Variants in MSI2 observed in about 807,000 individuals in gnomAD.
MSI2 encodes the protein RNA-binding protein Musashi homolog 2.
Under a neutral mutation model 45.6 loss-of-function variants are expected in MSI2, and 17 were observed. That is an observed-to-expected ratio of 0.37 (90% CI 0.26 to 0.56). The LOEUF (loss-of-function observed/expected upper bound fraction) is 0.56. Ranked by LOEUF, MSI2 falls within the 20% of genes least tolerant of loss-of-function variation. MSI2 has a pLI of 0.77. For missense variants in MSI2, 293 were observed against 444.2 expected, an observed-to-expected ratio of 0.66 and a Z score of 3.06; for synonymous variants, 156 against 158.2, an observed-to-expected ratio of 0.99 and a Z score of 0.11.
At chr17:57,322,164 A>G (rs1913404586) in intron 5 of MSI2, among the ~76,000 whole-genome samples, 1 of 152,204 alleles carries the variant, frequency 6.6e-6, no homozygotes, top group Admixed American at 6.5e-5. Context: ...CTGTCCCCAC[A>G]GTACTGAGAC....
chr17:57,343,875 G>A (rs1255865276), intron 5 of MSI2, among the ~76,000 whole-genome samples: 1 of 152,098 alleles, frequency 6.6e-6, no homozygotes, highest in Non-Finnish European at 1.5e-5. Flanking sequence ...ATTTCCTCAT[G>A]ACTAGATTCA....
intron 6 of MSI2, among the ~76,000 whole-genome samples, chr17:57,438,306 G>C (rs962155660): frequency 6.6e-6 from 1 of 152,262 alleles, no homozygotes; most frequent in South Asian, 2.1e-4. Context: ...CTCCCCCCAG[G>C]GGGAGTTCAG....
In MSI2 at chr17:57,432,544, T is replaced by C. The variant is rs2084616133; in HGVS notation, c.405+31073T>C. ...GGCCCTTTGGCTTCTTCCTTAGAGATGTTTATGCTCATGGCCTCGGCCACT... is the reference window on the plus strand; with the variant it reads ...GGCCCTTTGGCTTCTTCCTTAGAGACGTTTATGCTCATGGCCTCGGCCACT... On this transcript the variant is annotated intron_variant, in intron 6 of 13. Transcript: ENST00000284073. 3 of 152,484 alleles carry C rather than the reference T, an allele frequency of 2.0e-5. No individual in the cohort carries two copies. The South Asian group carries it at 6.2e-4, about 32-fold the overall frequency. 9.4% of individuals were successfully genotyped at this position (152,484 alleles called of 1,614,324 possible). A position where few individuals can be genotyped will look rare whatever the true frequency, so the allele number is the denominator to read the frequency against.
At chr17:57,511,386 C>T (rs1338367055) in intron 6 of MSI2, among the ~76,000 whole-genome samples, 1 of 152,174 alleles carries the variant, frequency 6.6e-6, no homozygotes, top group Non-Finnish European at 1.5e-5. Flanking sequence ...TTCCCCTTAC[C>T]GCCACCCACC....
At chr17:57,276,239 A>G (rs1253722734) in intron 5 of MSI2, among the ~76,000 whole-genome samples, 5 of 152,140 alleles carry the variant, frequency 3.3e-5, no homozygotes, top group Non-Finnish European at 5.9e-5. Flanking sequence ...AAGTCCATCG[A>G]GTTATGGGCC....
intron 6 of MSI2, among the ~76,000 whole-genome samples, chr17:57,454,442 T>G (rs1004319544): frequency 6.7e-6 from 1 of 148,682 alleles, no homozygotes; most frequent in Non-Finnish European, 1.5e-5. Flanking sequence ...CTCTTTCTTT[T>G]TTTTTTTTTT....
intron 5 of MSI2, among the ~76,000 whole-genome samples, chr17:57,387,488 A>G (rs2083706407): frequency 6.6e-6 from 1 of 152,192 alleles, no homozygotes; most frequent in South Asian, 2.1e-4. Context: ...ATAGAGAGTG[A>G]TCTTCCTAAT....
chr17:57,462,601 G>A (rs144525539), intron 6 of MSI2, among the ~76,000 whole-genome samples: 2 of 152,358 alleles, frequency 1.3e-5, no homozygotes, highest in East Asian at 3.9e-4. Context: ...CATACTTGGA[G>A]AATTTCCTTC....
At chr17:57,562,074 A>G (rs368711113) in intron 7 of MSI2, among the ~76,000 whole-genome samples, 1 of 152,258 alleles carries the variant, frequency 6.6e-6, no homozygotes, top group Non-Finnish European at 1.5e-5. Flanking sequence ...ATGAGGGAAC[A>G]TATATAAAGA....
chr17:57,437,480 T>C (rs2084710785), intron 6 of MSI2, among the ~76,000 whole-genome samples: 1 of 152,002 alleles, frequency 6.6e-6, no homozygotes, highest in South Asian at 2.1e-4. Context: ...ATAGGATGGA[T>C]TGGGGGTTGA....
intron 10 of MSI2, among the ~76,000 whole-genome samples, chr17:57,646,084 C>T (rs1363663186): frequency 3.3e-5 from 5 of 152,176 alleles, no homozygotes; most frequent in Non-Finnish European, 7.4e-5. Flanking sequence ...TGCATCAGAG[C>T]ATCCTGACCA....
intron 6 of MSI2, among the ~76,000 whole-genome samples, chr17:57,477,683 G>T (rs1029180780): frequency 9.9e-5 from 15 of 152,208 alleles, no homozygotes; most frequent in African/African-American, 1.4e-4. Context: ...CTAAGCCAGG[G>T]AGGGCCCCAA....
chr17:57,306,538 G>C (rs1911916326), intron 5 of MSI2, among the ~76,000 whole-genome samples: 1 of 152,124 alleles, frequency 6.6e-6, no homozygotes, highest in Non-Finnish European at 1.5e-5. Flanking sequence ...CTCAAATGAG[G>C]ATGAGGTTGG....
chr17:57,664,351 C>G (rs952470175), intron 11 of MSI2, among the ~76,000 whole-genome samples: 3 of 152,098 alleles, frequency 2.0e-5, no homozygotes, highest in Non-Finnish European at 4.4e-5. Flanking sequence ...AACCCCATCT[C>G]TACTAAAAAT....
intron 8 of MSI2, among the ~76,000 whole-genome samples, chr17:57,603,866 G>T (rs1297572307): frequency 6.6e-6 from 1 of 152,224 alleles, no homozygotes; most frequent in Non-Finnish European, 1.5e-5. Context: ...TGTCTACAGG[G>T]GTCCAATGAA....
chr17:57,576,753 TAAAAA>T (rs569924345), intron 7 of MSI2, among the ~76,000 whole-genome samples: 1 of 128,716 alleles, frequency 7.8e-6, no homozygotes, highest in Non-Finnish European at 1.6e-5. Context: ...AATCTGTCTT[TAAAAA>T]AAAAAAAAAA....
At position 57,257,147 on chromosome 17, in the gene MSI2, G is replaced by T; in HGVS notation, c.103+9G>T. 6.3e-7 allele frequency: 1 copy of T among 1,576,450 alleles called. No individual in the cohort carries two copies. Among genetic ancestry groups the T allele is most frequent in the South Asian group, 1.1e-5 (1 of 88,884 alleles). On this transcript the variant is annotated intron_variant, in intron 2 of 13. Transcript: ENST00000284073. The stretch of plus-strand genomic sequence containing the variant: ...CTGGCAGACCTCACCAGGTAAGGGA[G>T]GGAGGGGGGGACGCCTGGGTCCCCC...
intron 10 of MSI2, among the ~76,000 whole-genome samples, chr17:57,649,838 C>T (rs1910995079): frequency 6.6e-6 from 1 of 152,218 alleles, no homozygotes; most frequent in South Asian, 2.1e-4. Flanking sequence ...TACCAGGAGG[C>T]TCCCAAGGGG....
chr17:57,499,564 G>T (rs2086056609), intron 6 of MSI2, among the ~76,000 whole-genome samples: 1 of 152,170 alleles, frequency 6.6e-6, no homozygotes, highest in East Asian at 1.9e-4. Context: ...TTTTATATAT[G>T]TGGTGTTCCG....
Sources: allele counts gnomAD v4.1 joint callset (sites outside exome capture counted in the v4.1 genomes callset), GRCh38; gene constraint gnomAD v4.1.1; transcripts MANE v1.5; gene names NCBI Gene and HGNC (gene_info 2026-07-23, HGNC 2026-07-21).